The following RNF17 variants were observed in gnomAD, a reference collection of about 807,000 sequenced individuals.
The protein encoded by RNF17 is ring finger protein 17.
In RNF17, 31 loss-of-function variants were observed where a neutral mutation model predicts 200.5. The observed-to-expected ratio is 0.15, with a 90% confidence interval of 0.12 to 0.21. The LOEUF is 0.21. RNF17 is among the 10% of genes least tolerant of loss of function. RNF17 has a pLI of 1.00. For synonymous variants in RNF17, 606 were observed against 637.8 expected, an observed-to-expected ratio of 0.95 and a Z score of 0.75; for missense variants, 1,628 against 1,905.1, an observed-to-expected ratio of 0.85 and a Z score of 2.71.
At chr13:24,858,978 C>T (rs1566236818) in intron 25 of RNF17, 23 bp from the exon 26 acceptor site, 1 of 1,446,498 alleles carries the variant, frequency 6.9e-7, no homozygotes, top group Non-Finnish European at 9.5e-7. Context: ...TTAATGCTTT[C>T]TATCTTTAAT....
chr13:24,791,082 C>T (rs1883786970), intron 9 of RNF17, among the ~76,000 whole-genome samples: 1 of 152,112 alleles, frequency 6.6e-6, no homozygotes, highest in African/African-American at 2.4e-5. Flanking sequence ...AGTAGAAAGC[C>T]ACTAAAAGGT....
the RNF17 span, chr13:24,885,697 A>T: frequency 6.5e-7 from 1 of 1,538,352 alleles, no homozygotes; most frequent in Non-Finnish European, 9.0e-7. Flanking sequence ...GTCAAGAGTT[A>T]GATTTAATAT....
chr13:24,841,625 G>T (rs528365756), intron 18 of RNF17, among the ~76,000 whole-genome samples: 1 of 152,242 alleles, frequency 6.6e-6, no homozygotes, highest in East Asian at 1.9e-4. Flanking sequence ...AATGTCATGT[G>T]TGCAAATGAA....
chr13:24,804,171 A>G, intron 14 of RNF17, 117 bp from the exon 15 acceptor site: 1 of 863,704 alleles, frequency 1.2e-6, no homozygotes, highest in South Asian at 1.6e-5. Context: ...CTGAGGTGGG[A>G]GGATTGCTTG....
In RNF17 at chr13:24,804,369, G is replaced by T; in HGVS notation, c.2031G>T (p.Met677Ile). The T allele has an allele frequency of 6.2e-7, 1 of 1,612,970 alleles. No homozygotes were observed. Among genetic ancestry groups the T allele is most frequent in the Non-Finnish European group, 8.5e-7 (1 of 1,179,028 alleles). The change falls in exon 15 of 36, where the codon ATG becomes ATT. Residue 677 changes from methionine to isoleucine, a missense_variant. Met to Ile is a conservative substitution (Grantham distance 10). This residue lies in a region of RNF17 where 289 missense variants were observed against 384.9 expected (regional missense o/e 0.75). Coordinates refer to ENST00000255324, the MANE Select transcript of RNF17 (RefSeq NM_031277.3). ...HYHPPILPKE[M>I]TDVSVTVCHI... Reference sequence around the variant, plus strand: ...ATCCACCTATTTTGCCTAAAGAAATGACAGATGTTTCAGTAACGGTTTGTC... The same window carrying T: ...ATCCACCTATTTTGCCTAAAGAAATTACAGATGTTTCAGTAACGGTTTGTC...
chr13:24,880,229 G>C (rs111404342), downstream of RNF17, among the ~76,000 whole-genome samples: 1,340 of 152,270 alleles, frequency 8.8e-3, 17 homozygotes, highest in Middle Eastern at 0.034. Flanking sequence ...TCTTCACAAG[G>C]TGGCAGGAGG....
At position 24,796,190 on chromosome 13, in the gene RNF17, A is replaced by G. The variant is rs749800512; in HGVS notation, c.1294A>G (p.Ile432Val). ...TGTAATAGATCCTTGCCATTTCTAC[A>G]TTCGGAAGTATTCACAAATAAAAGA... is the stretch of plus-strand genomic sequence containing the variant. ...SHVIDPCHFY[I>V]RKYSQIKDAK... The change falls in exon 11 of 36, where the codon ATT (isoleucine) becomes GTT (valine). Residue 432 changes from isoleucine to valine, a missense_variant. By Grantham distance (29) the Ile-to-Val change is conservative (BLOSUM62 3). Coordinates refer to ENST00000255324, the MANE Select transcript of RNF17 (RefSeq NM_031277.3). The G allele has an allele frequency of 6.8e-6, 11 of 1,612,626 alleles. No individual in the cohort carries two copies. The highest frequency in any genetic ancestry group is 8.5e-6 in the Non-Finnish European group (10 of 1,179,106).
chr13:24,757,475 C>T, the RNF17 span, among the ~76,000 whole-genome samples: 6 of 152,160 alleles, frequency 3.9e-5, no homozygotes, highest in African/African-American at 1.4e-4. Flanking sequence ...AGGTGTGTGC[C>T]ACCATGCCTG....
At chr13:24,792,935 C>T (rs1202157758) in intron 9 of RNF17, 107 bp from the exon 10 acceptor site, 5 of 738,608 alleles carry the variant, frequency 6.8e-6, no homozygotes, top group Non-Finnish European at 1.1e-5. Flanking sequence ...AATAATCATG[C>T]CCAAAAGATT....
rs532899675 is a variant in RNF17 at position 24,811,434 on chromosome 13, C to T, written c.2091+7005C>T. ...TACCCTTTCTTCCAGTTGATCGCAT[C>T]GGCTGCTGAGGCTTCTGTATTCTTC... On this transcript the variant is annotated intron_variant, in intron 15 of 35. Coordinates refer to ENST00000255324, the MANE Select transcript of RNF17 (RefSeq NM_031277.3). 1.8e-3 allele frequency among the ~76,000 whole-genome samples: 267 copies of T among 152,282 alleles called. 1 individual carries two copies. Among genetic ancestry groups the T allele is most frequent in the African/African-American group, 5.7e-3 (237 of 41,550 alleles).
intron 25 of RNF17, among the ~76,000 whole-genome samples, chr13:24,856,796 T>A (rs554207127): frequency 1.1e-3 from 160 of 152,358 alleles, no homozygotes; most frequent in African/African-American, 3.6e-3. Flanking sequence ...CAAGTTACTT[T>A]GTTGTGTATC....
intron 15 of RNF17, among the ~76,000 whole-genome samples, chr13:24,809,477 C>T (rs1366387428): frequency 3.9e-5 from 6 of 152,160 alleles, no homozygotes; most frequent in South Asian, 2.1e-4. Flanking sequence ...TCTGTGGGAT[C>T]GGTGGTGATA....
rs369945528 is a variant in RNF17, at chr13:24,844,994, G to A, written c.3016G>A (p.Val1006Met). The change falls in exon 22 of 36, where the codon GTG becomes ATG. Residue 1006 changes from valine (V) to methionine (M), a missense_variant. Physicochemically the swap from Val to Met is conservative, Grantham distance 21 (BLOSUM62 1). Around this residue, in one of 5 missense-constraint regions of RNF17, gnomAD observed 227 missense variants for 319.8 expected, o/e 0.71. Coordinates refer to ENST00000255324, the MANE Select transcript of RNF17 (RefSeq NM_031277.3). ...GTATGATGTGGGTGTTGAACTAGTAGTGAATGTTGACTGTTTAAGAAAACT... is the reference window on the plus strand; with the variant it reads ...GTATGATGTGGGTGTTGAACTAGTAATGAATGTTGACTGTTTAAGAAAACT... ...LLYDVGVELV[V>M]NVDCLRKLEE... The A allele has an allele frequency of 4.4e-6, 7 of 1,606,334 alleles. No individual in the cohort carries two copies. The Admixed American group carries it at 1.2e-4, about 27-fold the overall frequency.
At chr13:24,807,733 T>C (rs1226008277) in intron 15 of RNF17, among the ~76,000 whole-genome samples, 2 of 152,108 alleles carry the variant, frequency 1.3e-5, no homozygotes, top group African/African-American at 4.8e-5. Context: ...GCCTATGTCC[T>C]GAATGTTAAT....
At chr13:24,813,056 C>G (rs1429898987) in intron 15 of RNF17, among the ~76,000 whole-genome samples, 1 of 152,176 alleles carries the variant, frequency 6.6e-6, no homozygotes, top group Non-Finnish European at 1.5e-5. Flanking sequence ...GCCAGTGATA[C>G]TGAACATCTT....
intron 35 of RNF17, 79 bp downstream of exon 35, chr13:24,879,374 G>GT: frequency 1.1e-6 from 1 of 915,224 alleles, no homozygotes; most frequent in Non-Finnish European, 1.7e-6. Context: ...AAGCACCCGT[G>GT]GATTTTCCTT....
intron 15 of RNF17, among the ~76,000 whole-genome samples, chr13:24,812,680 C>G (rs1346321454): frequency 4.2e-5 from 1 of 24,046 alleles, no homozygotes; most frequent in Non-Finnish European, 9.1e-5. Context: ...CCCCGCCCCA[C>G]CCCCTTTTTT....
At chr13:24,845,926 C>G (rs1891211196) in intron 22 of RNF17, among the ~76,000 whole-genome samples, 1 of 152,016 alleles carries the variant, frequency 6.6e-6, no homozygotes, top group South Asian at 2.1e-4. Flanking sequence ...AGAAAAGATC[C>G]AGATGAAAGG....
At chr13:24,762,258 T>C (rs1159591842), upstream of RNF17, among the ~76,000 whole-genome samples, 2 of 151,036 alleles carry the variant, frequency 1.3e-5, no homozygotes, top group African/African-American at 4.9e-5. Context: ...TAGTCCCAGT[T>C]ACTGGGGAGG....
Sources: allele counts gnomAD v4.1 joint callset (sites outside exome capture counted in the v4.1 genomes callset), GRCh38; gene constraint gnomAD v4.1.1; regional missense constraint gnomAD v4.1.1; transcripts MANE v1.5; gene names NCBI Gene and HGNC (gene_info 2026-07-23, HGNC 2026-07-21).